Variants in DAB1 observed in about 807,000 individuals in gnomAD.
The protein encoded by DAB1 is disabled homolog 1.
Under a neutral mutation model 64.6 loss-of-function variants are expected in DAB1, and 15 were observed. That is an observed-to-expected ratio of 0.23 (90% CI 0.16 to 0.36). DAB1 has a LOEUF of 0.36. Ranked by LOEUF, DAB1 falls within the 10% of genes least tolerant of loss-of-function variation. The pLI, the probability that DAB1 is intolerant of heterozygous loss-of-function variation, is 1.00. For missense variants in DAB1, 596 were observed against 706.7 expected, an observed-to-expected ratio of 0.84 and a Z score of 1.78; for synonymous variants, 235 against 251.9, an observed-to-expected ratio of 0.93 and a Z score of 0.64.
At chr1:57,053,688 A>ATATATATATTTTTT (rs1447741565) in intron 9 of DAB1, among the ~76,000 whole-genome samples, 1 of 71,422 alleles carries the variant, frequency 1.4e-5, no homozygotes. Context: ...ATATATATAT[A>ATATATATATTTTTT]TTTTTTTTTT....
intron 2 of DAB1, among the ~76,000 whole-genome samples, chr1:57,223,515 C>A (rs933757132): frequency 6.6e-6 from 1 of 152,130 alleles, no homozygotes; most frequent in East Asian, 1.9e-4. Flanking sequence ...TGTCTCTGGT[C>A]CCTATGCTCA....
intron 6 of DAB1, among the ~76,000 whole-genome samples, chr1:57,659,217 C>T (rs1013890441): frequency 2.0e-5 from 3 of 152,160 alleles, no homozygotes; most frequent in African/African-American, 7.2e-5. Context: ...GTTAGACAAG[C>T]TTGCACCAAG....
At chr1:57,749,939 A>G (rs17471919) in intron 6 of DAB1, among the ~76,000 whole-genome samples, 9,873 of 152,204 alleles carry the variant, frequency 0.065, 425 homozygotes, top group Middle Eastern at 0.11. Context: ...TATTTTAGGA[A>G]ACATTGCAAA....
intron 2 of DAB1, among the ~76,000 whole-genome samples, chr1:58,512,457 T>C (rs914060829): frequency 7.9e-5 from 12 of 152,220 alleles, no homozygotes; most frequent in African/African-American, 1.7e-4. Flanking sequence ...TCCACATTCA[T>C]TGCAGCATTA....
intron 7 of DAB1, among the ~76,000 whole-genome samples, chr1:57,583,349 C>T (rs545432847): frequency 2.0e-5 from 3 of 147,826 alleles, no homozygotes; most frequent in Non-Finnish European, 3.0e-5. Context: ...TGCAGTGGTG[C>T]GATCTCAGCT....
intron 5 of DAB1, among the ~76,000 whole-genome samples, chr1:58,109,656 G>T (rs1188271483): frequency 2.0e-5 from 3 of 151,862 alleles, no homozygotes; most frequent in African/African-American, 4.8e-5. Flanking sequence ...GTGGGCCAAG[G>T]GCGTAAGGCT....
At position 57,975,539 on chromosome 1, in the gene DAB1, A is replaced by G. The variant is rs76581169; in HGVS notation, n.388-91377T>C. Among the ~76,000 whole-genome samples, 109 of 152,328 alleles carry G rather than the reference A, an allele frequency of 7.2e-4. 2 individuals carry two copies. In the East Asian group the frequency reaches 0.017, roughly 23 times the overall value. The stretch of plus-strand genomic sequence containing the variant: ...GGAATGGTACTTGATGCAAGGGAAA[A>G]GAATGTGCAAGATATAGCAGCTAGG... On this transcript the variant is annotated intron_variant and non_coding_transcript_variant, in intron 5 of 20. Coordinates refer to the DAB1 transcript ENST00000485760.
At chr1:58,501,671 G>A (rs1358395363) in intron 3 of DAB1, among the ~76,000 whole-genome samples, 3 of 152,120 alleles carry the variant, frequency 2.0e-5, no homozygotes, top group Non-Finnish European at 4.4e-5. Flanking sequence ...TTCTTTGACT[G>A]CTGAAGGACC....
chr1:57,096,708 T>TA (rs1328999101), intron 4 of DAB1, among the ~76,000 whole-genome samples: 10 of 152,378 alleles, frequency 6.6e-5, no homozygotes, highest in Non-Finnish European at 1.2e-4. Context: ...CTGTATTTAC[T>TA]ACTTTCTGAA....
intron 14 of DAB1, among the ~76,000 whole-genome samples, chr1:57,002,483 A>G (rs1477294580): frequency 6.6e-6 from 1 of 152,246 alleles, no homozygotes; most frequent in African/African-American, 2.4e-5. Flanking sequence ...GGATGCTGTC[A>G]TAATGTGGGG....
chr1:58,013,469 AAG>A (rs1380963988), intron 5 of DAB1, among the ~76,000 whole-genome samples: 18 of 152,134 alleles, frequency 1.2e-4, no homozygotes, highest in African/African-American at 4.3e-4. Flanking sequence ...GCTCCAAAAA[AAG>A]AGAAGAATTT....
intron 6 of DAB1, among the ~76,000 whole-genome samples, chr1:57,667,996 G>A (rs966650054): frequency 3.3e-5 from 5 of 151,734 alleles, no homozygotes; most frequent in African/African-American, 7.3e-5. Context: ...ATACCTACAC[G>A]TTCTGCACAT....
In DAB1 at chr1:58,412,677, G is replaced by C. The variant is rs1644683170; in HGVS notation, n.258-69274C>G. Among the ~76,000 whole-genome samples the C allele has an allele frequency of 1.3e-5, 2 of 152,200 alleles. 1 individual carries two copies. Among genetic ancestry groups the C allele is most frequent in the Non-Finnish European group, 2.9e-5 (2 of 68,036 alleles). ...TAAGAAGCACTGTATCCTCCATGGT[G>C]AGTATTACAATGTCCACTACAGAGC... On this transcript the variant is annotated intron_variant and non_coding_transcript_variant, in intron 3 of 20. Transcript: ENST00000485760.
intron 5 of DAB1, among the ~76,000 whole-genome samples, chr1:57,986,916 T>C: frequency 6.6e-6 from 1 of 152,230 alleles, no homozygotes; most frequent in East Asian, 1.9e-4. Context: ...CCACATGAGA[T>C]AGTTACTATT....
At chr1:58,209,872 A>G (rs1018426842) in intron 4 of DAB1, among the ~76,000 whole-genome samples, 1 of 152,220 alleles carries the variant, frequency 6.6e-6, no homozygotes, top group African/African-American at 2.4e-5. Context: ...GAAAATGAAA[A>G]AAAATACGTA....
intron 1 of DAB1, among the ~76,000 whole-genome samples, chr1:58,529,662 A>T (rs1646402672): frequency 6.6e-6 from 1 of 152,232 alleles, no homozygotes. Context: ...ACCCAAATAC[A>T]GTTGGCTCTC....
intron 6 of DAB1, among the ~76,000 whole-genome samples, chr1:57,688,377 A>G (rs1055845948): frequency 3.3e-5 from 5 of 152,176 alleles, no homozygotes; most frequent in African/African-American, 1.2e-4. Context: ...ATCATCTGAC[A>G]CCAGTCAGAA....
chr1:57,716,914 G>T (rs1366056519), intron 6 of DAB1, among the ~76,000 whole-genome samples: 1 of 152,010 alleles, frequency 6.6e-6, no homozygotes, highest in Non-Finnish European at 1.5e-5. Context: ...TTTAAAATGG[G>T]GAAAAGACTT....
chr1:58,313,981 C>A (rs942191681), intron 4 of DAB1, among the ~76,000 whole-genome samples: 1 of 152,040 alleles, frequency 6.6e-6, no homozygotes, highest in Non-Finnish European at 1.5e-5. Flanking sequence ...GGTGGGTACC[C>A]AAGCATTCAG....
Sources: allele counts gnomAD v4.1 joint callset (sites outside exome capture counted in the v4.1 genomes callset), GRCh38; gene constraint gnomAD v4.1.1; transcripts MANE v1.5; gene names NCBI Gene and HGNC (gene_info 2026-07-23, HGNC 2026-07-21).